Variants in SMAGP observed in about 807,000 individuals in gnomAD.
SMAGP encodes small cell transmembrane and glycosylated protein.
Under a neutral mutation model 10.1 loss-of-function variants are expected in SMAGP, and 7 were observed. The observed-to-expected ratio is 0.70, with a 90% CI of 0.40 to 1.31. The LOEUF is 1.31. Ranked by LOEUF, SMAGP falls within the 50% of genes most tolerant of loss-of-function variation. The pLI, the probability that SMAGP is intolerant of heterozygous loss-of-function variation, is 0.01. For synonymous variants in SMAGP, 49 were observed against 47.2 expected (o/e 1.04, Z -0.16); for missense variants, 113 against 116.5 (o/e 0.97, Z 0.14).
At chr12:51,252,670 C>A (rs576804900) in intron 2 of SMAGP, among the ~76,000 whole-genome samples, 13 of 151,782 alleles carry the variant, frequency 8.6e-5, no homozygotes, top group Admixed American at 5.9e-4. Flanking sequence ...GGATTACAGG[C>A]GTGAGCCACA....
chr12:51,266,852 G>A (rs753876244), intron 2 of SMAGP, among the ~76,000 whole-genome samples: 22 of 152,108 alleles, frequency 1.4e-4, no homozygotes, highest in Admixed American at 2.6e-4. Context: ...AAAATGGCAT[G>A]AGCCTGTAAT....
In SMAGP at chr12:51,246,014, CCTT is replaced by C. The variant is rs773552278; in HGVS notation, c.218_220del (p.Glu73del). The C allele has an allele frequency of 2.2e-5, 36 of 1,613,898 alleles. No individual in the cohort carries two copies. In the Middle Eastern group the frequency reaches 4.9e-4, roughly 22 times the overall value. On this transcript the variant is annotated inframe_deletion, in exon 4 of 4. Coordinates refer to ENST00000603798, the MANE Select transcript of SMAGP (RefSeq NM_001031628.2). ...CATCTGGACGATGGCACTGGGCTCA[CCTT>C]CTGTAGGTTCATAGGTGACGTAGCT...
intron 2 of SMAGP, among the ~76,000 whole-genome samples, chr12:51,268,249 T>C (rs185945357): frequency 2.0e-5 from 3 of 152,166 alleles, no homozygotes; most frequent in African/African-American, 7.2e-5. Context: ...TCAGTGCTAA[T>C]AACCAACGTG....
chr12:51,256,408 G>A (rs7316433), intron 2 of SMAGP, among the ~76,000 whole-genome samples: 127,079 of 151,746 alleles, frequency 0.84, 53,606 homozygotes, highest in Middle Eastern at 0.91. Flanking sequence ...CAACATAGTG[G>A]GACCTCAGCT....
Position 51,269,327 on chromosome 12 carries a change from A to T in SMAGP, c.-38-11T>A, listed in dbSNP as rs765759458. 1.9e-6 allele frequency: 3 copies of T among 1,610,252 alleles called. No homozygotes were observed. The highest frequency in any genetic ancestry group is 2.7e-5 in the African/African-American group (2 of 74,954). ...GGAGAAGAGGCAGATCTGTAGGAAG[A>T]GGGGCAAAGACAGGAATGTAGCGGG... On this transcript the variant is annotated splice_polypyrimidine_tract_variant and intron_variant, in intron 1 of 3. Coordinates refer to ENST00000603798, the MANE Select transcript of SMAGP (RefSeq NM_001031628.2).
chr12:51,269,685 T>C (rs909995770), intron 1 of SMAGP: 2 of 171,924 alleles, frequency 1.2e-5, no homozygotes, highest in South Asian at 1.3e-4. Flanking sequence ...GTTCCACAGC[T>C]AGGAGTTCTG....
intron 2 of SMAGP, among the ~76,000 whole-genome samples, chr12:51,267,277 C>T (rs1345265822): frequency 1.3e-5 from 2 of 152,078 alleles, no homozygotes; most frequent in Non-Finnish European, 2.9e-5. Context: ...CAGGGTAAAT[C>T]GTCTCTGTAG....
At chr12:51,254,590 C>CT (rs1459545867) in intron 2 of SMAGP, among the ~76,000 whole-genome samples, 1 of 151,818 alleles carries the variant, frequency 6.6e-6, no homozygotes, top group Non-Finnish European at 1.5e-5. Context: ...AAAAGATATG[C>CT]TATATTAGAC....
intron 2 of SMAGP, among the ~76,000 whole-genome samples, chr12:51,260,399 C>T (rs1162809763): frequency 2.0e-5 from 3 of 151,610 alleles, no homozygotes; most frequent in South Asian, 2.1e-4. Flanking sequence ...TTTTTTGAGA[C>T]GGAGTCTCGC....
Position 51,246,788 on chromosome 12 carries a change from C to A in SMAGP, c.78G>T (p.Leu26=). Residue 26 remains leucine, a synonymous_variant, in exon 3 of 4, where the codon CTG becomes CTT. Coordinates refer to ENST00000603798, the MANE Select transcript of SMAGP (RefSeq NM_001031628.2). Reference sequence around the variant, plus strand: ...CTGTGCTGGCTCCATCTTCTGGGGACAGGGCCTCAGTGGGCTGTAAAATTG... The same window carrying A: ...CTGTGCTGGCTCCATCTTCTGGGGAAAGGGCCTCAGTGGGCTGTAAAATTG... The part of the protein sequence containing the change: ...TTPILQPTEA[L]SPEDGASTAL... 6.3e-7 allele frequency: 1 copy of A among 1,585,150 alleles called. No homozygotes were observed. The highest frequency in any genetic ancestry group is 1.8e-5 in the Admixed American group (1 of 55,604).
chr12:51,269,555 G>T, intron 1 of SMAGP: 1 of 416,480 alleles, frequency 2.4e-6, no homozygotes, highest in Non-Finnish European at 4.4e-6. Flanking sequence ...GCTCTCTCCA[G>T]GTCCTTTCAA....
chr12:51,247,068 C>G (rs1393631848), intron 2 of SMAGP, among the ~76,000 whole-genome samples: 1 of 152,126 alleles, frequency 6.6e-6, no homozygotes, highest in Non-Finnish European at 1.5e-5. Context: ...AGAGTAGGGG[C>G]TATAGAGCCT....
chr12:51,254,222 T>G (rs903457609), intron 2 of SMAGP, among the ~76,000 whole-genome samples: 1 of 152,182 alleles, frequency 6.6e-6, no homozygotes, highest in Non-Finnish European at 1.5e-5. Context: ...TCTGTTTATA[T>G]AATTTACATT....
intron 3 of SMAGP, 113 bp downstream of exon 3, chr12:51,246,637 TG>T: frequency 1.6e-6 from 1 of 639,548 alleles, no homozygotes; most frequent in Non-Finnish European, 2.6e-6. Flanking sequence ...TGTGTGTGTG[TG>T]TAATATAACT....
chr12:51,268,328 T>G (rs896782160), intron 2 of SMAGP, among the ~76,000 whole-genome samples: 4 of 152,142 alleles, frequency 2.6e-5, no homozygotes. Context: ...TTAATCTTCA[T>G]AAATCATAAG....
chr12:51,251,313 G>C (rs910439871), intron 2 of SMAGP, among the ~76,000 whole-genome samples: 1 of 151,606 alleles, frequency 6.6e-6, no homozygotes, highest in African/African-American at 2.4e-5. Flanking sequence ...GGGTGCAGTG[G>C]CTCACGCCTG....
At chr12:51,260,679 ATTTTTTTTTT>A (rs1162152346) in intron 2 of SMAGP, among the ~76,000 whole-genome samples, 11 of 78,398 alleles carry the variant, frequency 1.4e-4, no homozygotes, top group Non-Finnish European at 2.5e-4. Context: ...CGCCCGGCCA[ATTTTTTTTTT>A]TTTTTTTTTT....
At chr12:51,267,317 T>C (rs1056727093) in intron 2 of SMAGP, among the ~76,000 whole-genome samples, 8 of 152,002 alleles carry the variant, frequency 5.3e-5, no homozygotes, top group African/African-American at 1.9e-4. Flanking sequence ...TATTCTACCT[T>C]TATCTAGAGC....
chr12:51,255,914 G>A (rs1944880761), intron 2 of SMAGP, among the ~76,000 whole-genome samples: 1 of 152,132 alleles, frequency 6.6e-6, no homozygotes, highest in East Asian at 1.9e-4. Context: ...TGGGATTACA[G>A]GCATGCACCA....
Sources: gnomAD v4.1 joint callset for allele counts (sites outside exome capture counted in the v4.1 genomes callset) on GRCh38, gnomAD v4.1.1 for gene constraint, MANE v1.5 for transcripts, NCBI Gene and HGNC (gene_info 2026-07-23, HGNC 2026-07-21) for gene names.